Variants in MBNL2 observed in about 807,000 individuals in gnomAD.
MBNL2 encodes muscleblind-like protein 2.
A neutral mutation model predicts 41.9 loss-of-function variants in MBNL2; 17 were observed. The observed-to-expected ratio is 0.41, with a 90% CI of 0.28 to 0.61. The LOEUF is 0.61. Ranked by LOEUF, MBNL2 falls within the 20% of genes least tolerant of loss-of-function variation. The pLI, the probability that MBNL2 is intolerant of heterozygous loss-of-function variation, is 0.35. For missense variants in MBNL2, 336 were observed against 505.6 expected, an observed-to-expected ratio of 0.66 and a Z score of 3.22; for synonymous variants, 195 against 182.9, an observed-to-expected ratio of 1.07 and a Z score of -0.53.
chr13:97,241,058 G>A (rs774293266), intron 1 of MBNL2, among the ~76,000 whole-genome samples: 1 of 152,176 alleles, frequency 6.6e-6, no homozygotes, highest in Non-Finnish European at 1.5e-5. Flanking sequence ...TATATCTGCC[G>A]TTCCATTCTA....
At chr13:97,243,624 G>C (rs1430918101) in intron 1 of MBNL2, among the ~76,000 whole-genome samples, 1 of 152,244 alleles carries the variant, frequency 6.6e-6, no homozygotes, top group African/African-American at 2.4e-5. Flanking sequence ...CTTCTAATTA[G>C]TTGCTTCTAA....
chr13:97,298,041 T>G (rs2057243386), intron 2 of MBNL2, among the ~76,000 whole-genome samples: 1 of 152,194 alleles, frequency 6.6e-6, no homozygotes, highest in Admixed American at 6.5e-5. Context: ...GAGTGTATAC[T>G]ACACATTGTG....
At chr13:97,283,928 A>T (rs1361285380) in intron 2 of MBNL2, among the ~76,000 whole-genome samples, 1 of 152,154 alleles carries the variant, frequency 6.6e-6, no homozygotes, top group Non-Finnish European at 1.5e-5. Flanking sequence ...GGCATCAGGC[A>T]CCTCCAAATG....
chr13:97,157,600 A>G, the MBNL2 span, among the ~76,000 whole-genome samples: 814 of 149,724 alleles, frequency 5.4e-3, 9 homozygotes, highest in African/African-American at 0.019. Context: ...AGTTTTTAGC[A>G]TGAAGGGTTG....
intron 3 of MBNL2, among the ~76,000 whole-genome samples, chr13:97,339,188 ATAT>A (rs1427627268): frequency 2.1e-3 from 17 of 7,994 alleles, no homozygotes; most frequent in Admixed American, 0.016. Context: ...TGTATTGTGT[ATAT>A]GAGTGTGTTG....
chr13:97,370,725 G>A (rs2064291636), intron 8 of MBNL2, among the ~76,000 whole-genome samples: 1 of 151,650 alleles, frequency 6.6e-6, no homozygotes, highest in African/African-American at 2.4e-5. Flanking sequence ...TATTATTTCA[G>A]TGTAATAAAA....
chr13:97,335,362 A>G (rs2153067237), intron 3 of MBNL2, among the ~76,000 whole-genome samples: 1 of 152,106 alleles, frequency 6.6e-6, no homozygotes, highest in Non-Finnish European at 1.5e-5. Context: ...AGGCTTTTGT[A>G]TAAAAATCCC....
intron 8 of MBNL2, 74 bp from the exon 9 acceptor site, chr13:97,391,248 A>G (rs1285184926): frequency 1.4e-6 from 1 of 708,156 alleles, no homozygotes; most frequent in African/African-American, 1.8e-5. Flanking sequence ...TCTATTTTTG[A>G]AGAGTAAAAC....
At chr13:97,332,365 T>C (rs1027719362) in intron 2 of MBNL2, among the ~76,000 whole-genome samples, 1 of 152,196 alleles carries the variant, frequency 6.6e-6, no homozygotes, top group Non-Finnish European at 1.5e-5. Flanking sequence ...GGCCACCTGA[T>C]ATAAAGGCAG....
At chr13:97,286,751 TGTTCTTCTTCCAGGGAACTGCAAGCCTCA>T (rs1348907185) in intron 2 of MBNL2, among the ~76,000 whole-genome samples, 3 of 152,222 alleles carry the variant, frequency 2.0e-5, no homozygotes, top group African/African-American at 7.2e-5. Context: ...CCACCTGGAA[TGTTCTTCTTCCAGGGAACTGCAAGCCTCA>T]GTTCTTCATG....
intron 8 of MBNL2, among the ~76,000 whole-genome samples, chr13:97,374,348 C>T (rs1218625695): frequency 6.7e-6 from 1 of 150,176 alleles, no homozygotes; most frequent in East Asian, 2.0e-4. Flanking sequence ...GGGGTTTCAC[C>T]GTGTTAGCCA....
chr13:97,170,360 C>T, the MBNL2 span, among the ~76,000 whole-genome samples: 1 of 152,108 alleles, frequency 6.6e-6, no homozygotes, highest in African/African-American at 2.4e-5. Context: ...CATAAGTATC[C>T]CATACTTGTA....
chr13:97,199,494 G>A, the MBNL2 span, among the ~76,000 whole-genome samples: 1 of 152,208 alleles, frequency 6.6e-6, no homozygotes, highest in Admixed American at 6.5e-5. Context: ...AGGGGCTTAA[G>A]TATTAATTGT....
chr13:97,370,688 GA>G (rs1424613899), intron 8 of MBNL2, among the ~76,000 whole-genome samples: 1 of 150,870 alleles, frequency 6.6e-6, no homozygotes, highest in African/African-American at 2.4e-5. Context: ...AAGAAAGAAA[GA>G]AAGAAAGAAA....
chr13:97,317,338 C>T (rs1327194084), intron 2 of MBNL2, among the ~76,000 whole-genome samples: 2 of 152,182 alleles, frequency 1.3e-5, no homozygotes, highest in Non-Finnish European at 2.9e-5. Flanking sequence ...AAAAATAGCT[C>T]AGAACTGCGT....
At chr13:97,295,785 T>A (rs1014876868) in intron 2 of MBNL2, among the ~76,000 whole-genome samples, 5 of 152,166 alleles carry the variant, frequency 3.3e-5, no homozygotes, top group Non-Finnish European at 7.4e-5. Context: ...GGAGTGATGG[T>A]ACAAGTTTAA....
intron 2 of MBNL2, among the ~76,000 whole-genome samples, chr13:97,324,373 TGAG>T (rs948721165): frequency 1.3e-5 from 2 of 152,264 alleles, no homozygotes; most frequent in African/African-American, 4.8e-5. Flanking sequence ...GGTTGGGGTT[TGAG>T]GAGAAGTTCG....
rs966168296 is a variant in MBNL2, at chr13:97,391,753, A to T, written c.*304A>T. On this transcript the variant is annotated 3_prime_UTR_variant, in exon 9 of 9. Transcript: ENST00000679496. Reference sequence around the variant, plus strand: ...TAGCAATAAACAATTAGCATTAGTTAAAAAAGAAACATATTCCAAGGGCAG... The same window carrying T: ...TAGCAATAAACAATTAGCATTAGTTTAAAAAGAAACATATTCCAAGGGCAG... 8 of 249,242 alleles carry T rather than the reference A, an allele frequency of 3.2e-5. No individual in the cohort carries two copies. Among genetic ancestry groups the T allele is most frequent in the African/African-American group, 1.6e-4 (7 of 43,702 alleles). 15.4% of individuals were successfully genotyped at this position (249,242 alleles called of 1,614,324 possible).
chr13:97,188,289 C>T, the MBNL2 span, among the ~76,000 whole-genome samples: 1 of 152,110 alleles, frequency 6.6e-6, no homozygotes, highest in Non-Finnish European at 1.5e-5. Context: ...AGGATGCTTC[C>T]CCAAATAACA....
Sources: gnomAD v4.1 joint callset for allele counts (sites outside exome capture counted in the v4.1 genomes callset) on GRCh38, gnomAD v4.1.1 for gene constraint, MANE v1.5 for transcripts, NCBI Gene and HGNC (gene_info 2026-07-23, HGNC 2026-07-21) for gene names.